Variants in CACNA1C observed in about 807,000 individuals in gnomAD.
CACNA1C encodes the protein voltage-dependent L-type calcium channel subunit alpha-1C.
Under a neutral mutation model 229.0 loss-of-function variants are expected in CACNA1C, and 30 were observed. The observed-to-expected ratio is 0.13, with a 90% confidence interval of 0.10 to 0.18. CACNA1C has a LOEUF of 0.18. CACNA1C is among the 10% of genes least tolerant of loss of function. The probability of loss-of-function intolerance (pLI) is 1.00; values close to 1 mark genes in which losing one functional copy is unlikely to be tolerated. For synonymous variants in CACNA1C, 1,114 were observed against 1,132.5 expected (o/e 0.98, Z 0.33); for missense variants, 1,658 against 2,845.0 (o/e 0.58, Z 9.49).
intron 42 of CACNA1C, among the ~76,000 whole-genome samples, 197 bp from the exon 43 acceptor site, chr12:2,682,353 C>T (rs2097189839): frequency 6.6e-6 from 1 of 152,198 alleles, no homozygotes; most frequent in Non-Finnish European, 1.5e-5. Flanking sequence ...TCACCCTAAT[C>T]TGAACACTTC....
At chr12:2,545,123 AT>A (rs1428871076) in intron 9 of CACNA1C, among the ~76,000 whole-genome samples, 3 of 152,098 alleles carry the variant, frequency 2.0e-5, no homozygotes, top group African/African-American at 7.2e-5. Flanking sequence ...GTTACACAAA[AT>A]CCACTTTTCC....
chr12:2,515,374 T>C (rs554788596), intron 9 of CACNA1C, among the ~76,000 whole-genome samples: 48 of 152,206 alleles, frequency 3.2e-4, no homozygotes, highest in Non-Finnish European at 6.0e-4. Flanking sequence ...GGTAAGACAG[T>C]GGCTCAGAAA....
chr12:2,648,278 T>C (rs1454488284), intron 30 of CACNA1C, among the ~76,000 whole-genome samples, 197 bp from the exon 31 acceptor site: 1 of 152,176 alleles, frequency 6.6e-6, no homozygotes, highest in Non-Finnish European at 1.5e-5. Context: ...TTGATTGACA[T>C]GAGACCCAGC....
At chr12:2,470,727 A>G (rs949289872) in intron 5 of CACNA1C, among the ~76,000 whole-genome samples, 3 of 152,238 alleles carry the variant, frequency 2.0e-5, no homozygotes, top group African/African-American at 7.2e-5. Context: ...TGTGTGAAAC[A>G]CACAGGAAGC....
At chr12:2,525,987 G>C (rs1023357915) in intron 9 of CACNA1C, among the ~76,000 whole-genome samples, 1 of 152,214 alleles carries the variant, frequency 6.6e-6, no homozygotes, top group African/African-American at 2.4e-5. Flanking sequence ...AGGGTGGTCT[G>C]TTGGGGAGAT....
intron 3 of CACNA1C, among the ~76,000 whole-genome samples, chr12:2,308,986 T>G (rs114673204): frequency 0.011 from 1,732 of 152,322 alleles, 25 homozygotes; most frequent in African/African-American, 0.04. Context: ...AAAGTCCACT[T>G]CTGGGTGTAT....
intron 3 of CACNA1C, among the ~76,000 whole-genome samples, chr12:2,253,080 A>G (rs79416357): frequency 6.6e-6 from 1 of 152,302 alleles, no homozygotes; most frequent in Non-Finnish European, 1.5e-5. Context: ...CCAGGGGAGA[A>G]GTGACCTATC....
chr12:2,116,790 A>G (rs1048114005), intron 2 of CACNA1C, among the ~76,000 whole-genome samples: 60 of 152,088 alleles, frequency 3.9e-4, no homozygotes, highest in African/African-American at 1.3e-3. Flanking sequence ...GAACCCTGGT[A>G]CTGACTGTGG....
intron 1 of CACNA1C, among the ~76,000 whole-genome samples, chr12:2,055,633 G>A (rs1197094146): frequency 6.6e-6 from 1 of 152,206 alleles, no homozygotes; most frequent in Non-Finnish European, 1.5e-5. Flanking sequence ...TAGAGGGGAA[G>A]GGAGCAAGGG....
chr12:2,512,666 A>T lies in CACNA1C; in HGVS notation c.1218-146A>T. 1.7e-6 allele frequency: 1 copy of T among 592,724 alleles called. No individual in the cohort carries two copies. The highest frequency in any genetic ancestry group is 2.9e-6 in the Non-Finnish European group (1 of 340,546). 36.7% of individuals were successfully genotyped at this position (592,724 alleles called of 1,614,324 possible). A position where few individuals can be genotyped will look rare whatever the true frequency, so the allele number is the denominator to read the frequency against. The stretch of plus-strand genomic sequence containing the variant: ...ACTAGCGGAGCTGTCTGTGGAAAGT[A>T]GGGGCGTGTGGGCAGGTTTCTCCCT... On this transcript the variant is annotated intron_variant, in intron 8 of 46. Transcript: ENST00000399655. The surrounding 1 kb of genome is among the most constrained non-coding windows in gnomAD (Gnocchi z 4.3).
At chr12:2,392,688 C>T (rs746299664) in intron 3 of CACNA1C, among the ~76,000 whole-genome samples, 8 of 152,136 alleles carry the variant, frequency 5.3e-5, no homozygotes, top group Non-Finnish European at 7.3e-5. Flanking sequence ...CTGCATACAG[C>T]GGGACCTGAA....
chr12:2,194,374 T>G (rs2097339547), intron 3 of CACNA1C, among the ~76,000 whole-genome samples: 2 of 146,936 alleles, frequency 1.4e-5, no homozygotes, highest in South Asian at 2.3e-4. Flanking sequence ...GCTCTTCCCC[T>G]TCCCCTTCCT....
At chr12:2,025,563 C>G (rs910532517) in intron 1 of CACNA1C, among the ~76,000 whole-genome samples, 1 of 152,108 alleles carries the variant, frequency 6.6e-6, no homozygotes, top group South Asian at 2.1e-4. Context: ...CAGTTTGGGC[C>G]GTCCTGTTTT....
rs771221974 is a variant in CACNA1C, at chr12:2,647,522, C to T, written c.3913-953C>T. On this transcript the variant is annotated intron_variant, in intron 30 of 46. Transcript: ENST00000399655. The surrounding 1 kb of genome is among the most constrained non-coding windows in gnomAD (Gnocchi z 4.2). ...TTCAACAGTCATTATTTCATGCCAA[C>T]GGTCAGGGCTCGCCGCACCTATAGA... is the stretch of plus-strand genomic sequence containing the variant. 2.0e-5 allele frequency among the ~76,000 whole-genome samples: 3 copies of T among 152,214 alleles called. No individual in the cohort carries two copies. Among genetic ancestry groups the T allele is most frequent in the East Asian group, 1.9e-4 (1 of 5,196 alleles).
At chr12:2,517,327 GGAGGA>G (rs1568171513) in intron 9 of CACNA1C, among the ~76,000 whole-genome samples, 1 of 152,236 alleles carries the variant, frequency 6.6e-6, no homozygotes, top group African/African-American at 2.4e-5. Context: ...AAAGAGGAGA[GGAGGA>G]GACTCACACA....
chr12:2,146,524 G>A (rs182060799), intron 3 of CACNA1C, among the ~76,000 whole-genome samples: 15 of 151,256 alleles, frequency 9.9e-5, no homozygotes, highest in Admixed American at 3.3e-4. Context: ...CTCCACTGGC[G>A]CCACAGGAGG....
chr12:2,237,023 A>T (rs1248121155), intron 3 of CACNA1C, among the ~76,000 whole-genome samples: 2 of 152,182 alleles, frequency 1.3e-5, no homozygotes, highest in Admixed American at 1.3e-4. Flanking sequence ...GTTTTGGTAG[A>T]TAAGCACATC....
At chr12:2,390,747 G>A (rs1037749375) in intron 3 of CACNA1C, among the ~76,000 whole-genome samples, 1 of 152,130 alleles carries the variant, frequency 6.6e-6, no homozygotes, top group African/African-American at 2.4e-5. Context: ...GGGTAAAAGA[G>A]AGAGCAAGAG....
intron 3 of CACNA1C, among the ~76,000 whole-genome samples, chr12:2,251,160 G>A (rs543861298): frequency 1.4e-4 from 21 of 152,284 alleles, no homozygotes; most frequent in African/African-American, 2.4e-4. Context: ...GTGGAGAATC[G>A]TTGCTGAGGG....
Sources: gnomAD v4.1 joint callset for allele counts (sites outside exome capture counted in the v4.1 genomes callset) on GRCh38, gnomAD v4.1.1 for gene constraint, Gnocchi (gnomAD v3.1) non-coding constraint, MANE v1.5 for transcripts, NCBI Gene and HGNC (gene_info 2026-07-23, HGNC 2026-07-21) for gene names.